ARID4B: variants seen among roughly 807,000 people sequenced by gnomAD.
ARID4B encodes AT-rich interactive domain-containing protein 4B.
ARID4B carries 26 observed loss-of-function variants against 147.5 expected under a neutral mutation model. The ratio of observed to expected loss-of-function variants is 0.18; its 90% confidence interval spans 0.13 to 0.24. ARID4B has a LOEUF of 0.24. Among genes scored for constraint, ARID4B ranks in the 10% least tolerant of loss-of-function variants. The pLI is 1.00. For missense variants in ARID4B, 1,179 were observed against 1,511.5 expected (o/e 0.78, Z 3.65); for synonymous variants, 512 against 507.9 (o/e 1.01, Z -0.11).
chr1:235,273,488 C>T (rs1441188011), intron 2 of ARID4B, among the ~76,000 whole-genome samples: 2 of 152,156 alleles, frequency 1.3e-5, no homozygotes, highest in Non-Finnish European at 2.9e-5. Context: ...ACCACACCTA[C>T]CACTAAAAAA....
At chr1:235,220,645 G>T in intron 14 of ARID4B, 100 bp from the exon 15 acceptor site, 2 of 943,394 alleles carry the variant, frequency 2.1e-6, no homozygotes, top group Non-Finnish European at 1.5e-6. Context: ...TAAACTCTCA[G>T]ATATTGAGCC....
chr1:235,220,702 CA>C (rs200765661), intron 14 of ARID4B, among the ~76,000 whole-genome samples, 157 bp from the exon 15 acceptor site: 30 of 149,368 alleles, frequency 2.0e-4, no homozygotes, highest in Non-Finnish European at 2.2e-4. Context: ...CTTTTCAATG[CA>C]AAAAAAAAAT....
chr1:235,173,064 G>A (rs1663480799), intron 22 of ARID4B, among the ~76,000 whole-genome samples: 1 of 152,082 alleles, frequency 6.6e-6, no homozygotes, highest in African/African-American at 2.4e-5. Flanking sequence ...ATAAAACTGG[G>A]GCTGGGCACG....
intron 23 of ARID4B, among the ~76,000 whole-genome samples, chr1:235,169,802 C>G (rs954690663): frequency 6.6e-5 from 10 of 151,934 alleles, no homozygotes; most frequent in Admixed American, 5.9e-4. Flanking sequence ...TCTGGGATTA[C>G]AGGCATGCGC....
intron 17 of ARID4B, among the ~76,000 whole-genome samples, chr1:235,202,554 ATTT>A: frequency 6.8e-6 from 1 of 146,666 alleles, no homozygotes; most frequent in African/African-American, 2.5e-5. Context: ...TGAAAAAAAA[ATTT>A]TTTTTTTTTT....
At chr1:235,192,227 G>A (rs770165755) in intron 19 of ARID4B, among the ~76,000 whole-genome samples, 1 of 140,596 alleles carries the variant, frequency 7.1e-6, no homozygotes. Context: ...GACATACTAC[G>A]AAGTAAAATA....
At chr1:235,198,244 T>G (rs1665635542) in intron 17 of ARID4B, among the ~76,000 whole-genome samples, 1 of 152,212 alleles carries the variant, frequency 6.6e-6, no homozygotes, top group South Asian at 2.1e-4. Context: ...CCAGACATGT[T>G]TTACTATCAA....
At chr1:235,325,137 T>G (rs756814081) in intron 2 of ARID4B, among the ~76,000 whole-genome samples, 77 of 152,316 alleles carry the variant, frequency 5.1e-4, no homozygotes, top group African/African-American at 1.6e-3. Context: ...AGATTTGCTA[T>G]ACTTATAATA....
At chr1:235,173,005 T>C (rs940550613) in intron 22 of ARID4B, among the ~76,000 whole-genome samples, 15 of 152,182 alleles carry the variant, frequency 9.9e-5, no homozygotes, top group African/African-American at 3.4e-4. Flanking sequence ...GATCTACATA[T>C]ATCCACATCC....
At chr1:235,302,970 G>C (rs959430478) in intron 2 of ARID4B, among the ~76,000 whole-genome samples, 1 of 150,026 alleles carries the variant, frequency 6.7e-6, no homozygotes, top group Non-Finnish European at 1.5e-5. Flanking sequence ...CTGTCGCCTA[G>C]GCTGGAGTGC....
chr1:235,287,515 G>A (rs1410693274), intron 2 of ARID4B, among the ~76,000 whole-genome samples: 1 of 152,164 alleles, frequency 6.6e-6, no homozygotes, highest in Non-Finnish European at 1.5e-5. Flanking sequence ...ATATGAGAAA[G>A]AATCTACTTA....
In ARID4B at chr1:235,304,643, G is replaced by A. The variant is rs557539668; in HGVS notation, c.6+22271C>T. On this transcript the variant is annotated intron_variant, in intron 2 of 23. Coordinates refer to ENST00000264183, the MANE Select transcript of ARID4B (RefSeq NM_016374.6). ...TCATCACCATCCTCATCATGCAAAG[G>A]TCTGGAAAGGCTGAATTCTAAAACA... Among the ~76,000 whole-genome samples, 17 of 152,288 alleles carry A rather than the reference G, an allele frequency of 1.1e-4. 1 individual carries two copies. In the South Asian group the frequency reaches 3.5e-3, roughly 32 times the overall value.
At chr1:235,326,670 C>T (rs1431041811) in intron 2 of ARID4B, 1 of 527,552 alleles carries the variant, frequency 1.9e-6, no homozygotes, top group Non-Finnish European at 3.4e-6. Flanking sequence ...TCCTCTCATT[C>T]CCTACAAAAA....
chr1:235,252,494 C>G (rs568652225), intron 6 of ARID4B, among the ~76,000 whole-genome samples: 2 of 151,960 alleles, frequency 1.3e-5, no homozygotes, highest in East Asian at 3.9e-4. Flanking sequence ...TAATTAAAGC[C>G]CATTGTATTT....
At chr1:235,283,693 G>C (rs530422325) in intron 2 of ARID4B, among the ~76,000 whole-genome samples, 1 of 152,214 alleles carries the variant, frequency 6.6e-6, no homozygotes, top group Non-Finnish European at 1.5e-5. Context: ...TTAAGAAAAA[G>C]TTAACTTAGA....
chr1:235,268,146 A>T (rs1670739422), intron 2 of ARID4B, among the ~76,000 whole-genome samples: 1 of 152,154 alleles, frequency 6.6e-6, no homozygotes, highest in South Asian at 2.1e-4. Flanking sequence ...GGGACAGAGG[A>T]GATAAGCTGC....
intron 3 of ARID4B, among the ~76,000 whole-genome samples, chr1:235,259,365 G>C (rs1670162908): frequency 6.6e-6 from 1 of 152,234 alleles, no homozygotes; most frequent in Non-Finnish European, 1.5e-5. Flanking sequence ...AGTCCAAAGA[G>C]AATGTCTTTT....
intron 5 of ARID4B, 129 bp downstream of exon 5, chr1:235,255,531 G>A (rs971315585): frequency 1.4e-5 from 8 of 570,398 alleles, no homozygotes; most frequent in Admixed American, 3.6e-5. Context: ...GATGTGGAAA[G>A]ATAAAATCCA....
At chr1:235,296,623 A>C (rs919400281) in intron 2 of ARID4B, among the ~76,000 whole-genome samples, 6 of 151,422 alleles carry the variant, frequency 4.0e-5, no homozygotes, top group African/African-American at 1.5e-4. Context: ...ATGCCTGGCT[A>C]ATTTTTTTGA....
Sources: allele counts gnomAD v4.1 joint callset (sites outside exome capture counted in the v4.1 genomes callset), GRCh38; gene constraint gnomAD v4.1.1; transcripts MANE v1.5; gene names NCBI Gene and HGNC (gene_info 2026-07-23, HGNC 2026-07-21).